XKR9: variants seen among roughly 807,000 people sequenced by gnomAD.
XKR9 encodes XK-related protein 9.
XKR9 carries 32 observed loss-of-function variants against 32.0 expected under a neutral mutation model. The ratio of observed to expected loss-of-function variants is 1.00; its 90% CI spans 0.76 to 1.34. The LOEUF is 1.34. Among genes scored for constraint, XKR9 ranks in the 40% most tolerant of loss-of-function variants. XKR9 has a pLI of 0.00. For synonymous variants in XKR9, 168 were observed against 143.4 expected (o/e 1.17, Z -1.22); for missense variants, 546 against 429.7 (o/e 1.27, Z -2.39).
At chr8:70,794,340 T>C (rs1807801602), downstream of XKR9, among the ~76,000 whole-genome samples, 1 of 152,108 alleles carries the variant, frequency 6.6e-6, no homozygotes, top group African/African-American at 2.4e-5. Flanking sequence ...GGATCCCTTT[T>C]ATTTCTTTCT....
intron 2 of XKR9, among the ~76,000 whole-genome samples, chr8:70,788,574 T>G (rs1563481094): frequency 6.6e-6 from 1 of 152,140 alleles, no homozygotes; most frequent in African/African-American, 2.4e-5. Context: ...TTATTTACAC[T>G]TATGTAACAT....
intron 3 of XKR9, among the ~76,000 whole-genome samples, chr8:70,688,659 G>A (rs973177617): frequency 2.7e-5 from 4 of 150,626 alleles, no homozygotes; most frequent in African/African-American, 9.7e-5. Flanking sequence ...CTCGTGAGCC[G>A]CCCGCCTCGG....
the XKR9 span, among the ~76,000 whole-genome samples, chr8:70,863,088 G>C: frequency 6.6e-6 from 1 of 152,226 alleles, no homozygotes; most frequent in East Asian, 1.9e-4. Context: ...TGAAACTGTT[G>C]AGCGAGGTAG....
At chr8:71,038,266 T>G in the XKR9 span, among the ~76,000 whole-genome samples, 1 of 151,960 alleles carries the variant, frequency 6.6e-6, no homozygotes, top group East Asian at 1.9e-4. Context: ...TTCCTTTCTT[T>G]CTCTTTTTCT....
the XKR9 span, among the ~76,000 whole-genome samples, chr8:70,968,510 T>C: frequency 1.3e-5 from 2 of 152,222 alleles, no homozygotes; most frequent in South Asian, 2.1e-4. Context: ...TTTGGAGAAG[T>C]AGCACTTTGG....
chr8:70,685,939 AAAT>A (rs1340557968), intron 3 of XKR9, among the ~76,000 whole-genome samples: 2 of 151,584 alleles, frequency 1.3e-5, no homozygotes, highest in African/African-American at 4.8e-5. Context: ...AATCAATTAA[AAAT>A]AAGAAAAATA....
the XKR9 span, among the ~76,000 whole-genome samples, chr8:70,912,124 C>A: frequency 6.6e-6 from 1 of 152,052 alleles, no homozygotes; most frequent in South Asian, 2.1e-4. Context: ...TTCAGGATGG[C>A]TGTGCACGAG....
At chr8:70,709,308 A>G (rs1308604862) in intron 4 of XKR9, among the ~76,000 whole-genome samples, 1 of 152,106 alleles carries the variant, frequency 6.6e-6, no homozygotes, top group Non-Finnish European at 1.5e-5. Context: ...ACGTAAAATA[A>G]TGGAACCATC....
the XKR9 span, among the ~76,000 whole-genome samples, chr8:70,902,310 G>T: frequency 6.6e-6 from 1 of 152,124 alleles, no homozygotes; most frequent in Non-Finnish European, 1.5e-5. Context: ...CGATTTGTTT[G>T]TGTCCTCTTT....
At chr8:71,053,683 G>C in the XKR9 span, among the ~76,000 whole-genome samples, 19 of 152,270 alleles carry the variant, frequency 1.2e-4, no homozygotes, top group African/African-American at 4.3e-4. Context: ...CTTGAAACCA[G>C]TCAAAGGACA....
At chr8:70,741,199 G>A (rs1229151848) in intron 2 of XKR9, among the ~76,000 whole-genome samples, 11 of 152,184 alleles carry the variant, frequency 7.2e-5, no homozygotes, top group African/African-American at 4.8e-5. Context: ...GGGACTTTGG[G>A]CAGTATTTAA....
At position 70,769,410 on chromosome 8, in the gene XKR9, G is replaced by A. The variant is rs146335821; in HGVS notation, n.353-19929G>A. On this transcript the variant is annotated intron_variant and non_coding_transcript_variant, in intron 2 of 3. Coordinates refer to the XKR9 transcript ENST00000520273. ...CAGCCTTGGTGAATCTGACAATTAT[G>A]TGTCTTGTGGTTGCTCTTCTTGAGG... is the stretch of plus-strand genomic sequence containing the variant. Among the ~76,000 whole-genome samples the A allele has an allele frequency of 5.4e-3, 827 of 151,996 alleles. 12 individuals carry two copies. The highest frequency in any genetic ancestry group is 0.019 in the African/African-American group (793 of 41,442).
At chr8:70,874,773 T>C in the XKR9 span, among the ~76,000 whole-genome samples, 3 of 152,360 alleles carry the variant, frequency 2.0e-5, no homozygotes, top group African/African-American at 7.2e-5. Flanking sequence ...AGCTCTGCTA[T>C]TCTCTTTATT....
At chr8:70,787,200 AAAC>A (rs1807700046) in intron 2 of XKR9, among the ~76,000 whole-genome samples, 1 of 152,170 alleles carries the variant, frequency 6.6e-6, no homozygotes, top group Non-Finnish European at 1.5e-5. Context: ...CTTTCACTGA[AAAC>A]AAATTCTGCT....
chr8:71,045,106 T>G, the XKR9 span, among the ~76,000 whole-genome samples: 1 of 152,194 alleles, frequency 6.6e-6, no homozygotes, highest in South Asian at 2.1e-4. Context: ...AAATATAGTT[T>G]TACGAAAATA....
chr8:71,059,341 C>T, the XKR9 span, among the ~76,000 whole-genome samples: 1 of 152,256 alleles, frequency 6.6e-6, no homozygotes, highest in African/African-American at 2.4e-5. Flanking sequence ...ACACTCCCTT[C>T]CCCTTTGCCA....
the XKR9 span, among the ~76,000 whole-genome samples, chr8:70,947,256 G>A: frequency 1.3e-5 from 2 of 152,268 alleles, no homozygotes; most frequent in East Asian, 3.9e-4. Flanking sequence ...TGATTTTAGA[G>A]GACAATATGA....
the XKR9 span, among the ~76,000 whole-genome samples, chr8:70,993,944 AGTCCCTCTGAATAGCT>A: frequency 6.6e-6 from 1 of 152,264 alleles, no homozygotes; most frequent in Admixed American, 6.5e-5. Context: ...CCATGTCTGC[AGTCCCTCTGAATAGCT>A]GTATCAAAAT....
the XKR9 span, among the ~76,000 whole-genome samples, chr8:70,810,344 A>T: frequency 6.6e-6 from 1 of 152,160 alleles, no homozygotes; most frequent in Non-Finnish European, 1.5e-5. Context: ...ACATGCCAAA[A>T]TGTAAAGACC....
Sources: allele counts gnomAD v4.1 joint callset (sites outside exome capture counted in the v4.1 genomes callset), GRCh38; gene constraint gnomAD v4.1.1; transcripts MANE v1.5; gene names NCBI Gene and HGNC (gene_info 2026-07-23, HGNC 2026-07-21).